PCDHA8: variants seen among roughly 807,000 people sequenced by gnomAD.
PCDHA8 encodes the protein protocadherin alpha-8.
Under a neutral mutation model 61.8 loss-of-function variants are expected in PCDHA8, and 53 were observed. That is an observed-to-expected ratio of 0.86 (90% CI 0.69 to 1.08). The LOEUF (loss-of-function observed/expected upper bound fraction) is 1.08. Among genes scored for constraint, PCDHA8 ranks in the 50% least tolerant of loss-of-function variants. PCDHA8 has a pLI of 0.00. For missense variants in PCDHA8, 1,293 were observed against 1,245.0 expected (o/e 1.04, Z -0.58); for synonymous variants, 618 against 556.6 (o/e 1.11, Z -1.55).
At chr5:140,871,432 C>T (rs782382962) in intron 1 of PCDHA8, 1 of 1,612,926 alleles carries the variant, frequency 6.2e-7, no homozygotes, top group Non-Finnish European at 8.5e-7. Flanking sequence ...CAGTCTTCCT[C>T]TAGGTCTGAA....
At chr5:140,899,403 G>A (rs1458189120) in intron 1 of PCDHA8, among the ~76,000 whole-genome samples, 6 of 152,230 alleles carry the variant, frequency 3.9e-5, no homozygotes, top group Admixed American at 1.3e-4. Context: ...AGCATGAAGG[G>A]TTGTTGAATT....
rs782762108 is a variant in PCDHA8 at position 140,876,906 on chromosome 5, G to A, written c.2394+33191G>A. 3.7e-6 allele frequency: 6 copies of A among 1,613,910 alleles called. No homozygotes were observed. In the African/African-American group the frequency reaches 8.0e-5, roughly 22 times the overall value. On this transcript the variant is annotated intron_variant, in intron 1 of 3. Transcript: ENST00000531613. Reference sequence around the variant, plus strand: ...CGGGCTGCCACATCTTCACGGTGTCGGCATGGGACGCGGACGCGCAGAAGA... The same window carrying A: ...CGGGCTGCCACATCTTCACGGTGTCAGCATGGGACGCGGACGCGCAGAAGA...
At chr5:140,870,848 G>A in intron 1 of PCDHA8, 1 of 1,613,876 alleles carries the variant, frequency 6.2e-7, no homozygotes, top group East Asian at 2.2e-5. Context: ...CTAGTACCGC[G>A]GTCGGTGGGT....
In PCDHA8 at chr5:141,010,301, A is replaced by G. The variant is rs1232797660; in HGVS notation, c.*364A>G. On this transcript the variant is annotated 3_prime_UTR_variant, in exon 4 of 4. Coordinates refer to ENST00000531613, the MANE Select transcript of PCDHA8 (RefSeq NM_018911.3). ...TTGATGACACTTGCAGGGCAGGCTG[A>G]AAAGTTTTGAGATTGAGCAGCTTGG... 1 of 1,548,942 alleles carries G rather than the reference A, an allele frequency of 6.5e-7. No individual in the cohort carries two copies. Among genetic ancestry groups the G allele is most frequent in the African/African-American group, 1.4e-5 (1 of 72,848 alleles).
Position 141,009,850 on chromosome 5 carries a change from C to CAAGAAAAAG in PCDHA8, c.2781_2789dup (p.Lys928_Lys930dup). ...TAACCTTCGGCAAAAAGGAGGAGAC[C>CAAGAAAAAG]AAGAAAAAGAAGAAAAAGAAGAAGG... On this transcript the variant is annotated inframe_insertion, in exon 4 of 4. Coordinates refer to ENST00000531613, the MANE Select transcript of PCDHA8 (RefSeq NM_018911.3). The CAAGAAAAAG allele has an allele frequency of 1.2e-6, 2 of 1,613,572 alleles. No individual in the cohort carries two copies. Among genetic ancestry groups the CAAGAAAAAG allele is most frequent in the Non-Finnish European group, 1.7e-6 (2 of 1,179,906 alleles).
chr5:140,998,497 G>A (rs1367409428), intron 3 of PCDHA8, among the ~76,000 whole-genome samples: 2 of 152,090 alleles, frequency 1.3e-5, no homozygotes, highest in East Asian at 3.8e-4. Flanking sequence ...TTTGAGAACA[G>A]GGTACTTGTC....
intron 3 of PCDHA8, among the ~76,000 whole-genome samples, chr5:141,001,404 T>A (rs965496882): frequency 1.3e-4 from 20 of 152,072 alleles, no homozygotes; most frequent in African/African-American, 4.8e-4. Context: ...GAACAGGGAG[T>A]ATATTTTTAC....
intron 1 of PCDHA8, among the ~76,000 whole-genome samples, chr5:140,922,818 C>G (rs530870255): frequency 6.6e-6 from 1 of 152,326 alleles, no homozygotes; most frequent in South Asian, 2.1e-4. Context: ...GGAGATACAG[C>G]ATACTGCTAA....
intron 1 of PCDHA8, chr5:140,867,978 C>T (rs1283630691): frequency 6.6e-6 from 1 of 152,064 alleles, no homozygotes; most frequent in East Asian, 1.9e-4. Flanking sequence ...CAACAAGAAA[C>T]AAACTATTTT....
intron 1 of PCDHA8, among the ~76,000 whole-genome samples, chr5:140,933,393 C>G (rs1419190705): frequency 2.6e-5 from 4 of 151,956 alleles, no homozygotes; most frequent in Admixed American, 1.3e-4. Context: ...CTAGAGCCAT[C>G]TGGTTACCAT....
At chr5:140,886,664 A>G (rs1404216677) in intron 1 of PCDHA8, among the ~76,000 whole-genome samples, 1 of 151,922 alleles carries the variant, frequency 6.6e-6, no homozygotes, top group East Asian at 1.9e-4. Flanking sequence ...TGTCTCTACT[A>G]AAAATACAAA....
intron 1 of PCDHA8, chr5:140,856,935 A>C: frequency 6.3e-7 from 1 of 1,594,236 alleles, no homozygotes; most frequent in South Asian, 1.1e-5. Flanking sequence ...TGGATAAACG[A>C]AAGGACGGGA....
chr5:140,876,977 A>C (rs782413550), intron 1 of PCDHA8: 12 of 1,612,554 alleles, frequency 7.4e-6, no homozygotes, highest in Non-Finnish European at 1.0e-5. Context: ...GTGGGCGAGC[A>C]CGCACTGTCG....
At chr5:140,999,244 G>A (rs1554256717) in intron 3 of PCDHA8, among the ~76,000 whole-genome samples, 1 of 152,210 alleles carries the variant, frequency 6.6e-6, no homozygotes, top group African/African-American at 2.4e-5. Flanking sequence ...GTTAAAGTGG[G>A]AGTTGGATTA....
At chr5:140,888,277 C>G (rs923275306) in intron 1 of PCDHA8, among the ~76,000 whole-genome samples, 1 of 151,972 alleles carries the variant, frequency 6.6e-6, no homozygotes, top group Non-Finnish European at 1.5e-5. Context: ...ACAGTTTTGT[C>G]CCCTCTACCC....
chr5:140,974,720 C>T (rs1554236283), intron 1 of PCDHA8, among the ~76,000 whole-genome samples: 1 of 152,070 alleles, frequency 6.6e-6, no homozygotes, highest in African/African-American at 2.4e-5. Context: ...AAGCTGCTCT[C>T]GAACTCCTGT....
intron 1 of PCDHA8, among the ~76,000 whole-genome samples, chr5:140,907,888 C>G (rs1441879791): frequency 6.6e-6 from 1 of 152,234 alleles, no homozygotes; most frequent in Non-Finnish European, 1.5e-5. Flanking sequence ...ACATGGGATA[C>G]AAATATCTTC....
chr5:140,877,493 A>C, intron 1 of PCDHA8: 1 of 1,613,856 alleles, frequency 6.2e-7, no homozygotes, highest in African/African-American at 1.3e-5. Flanking sequence ...GAGAACGGCC[A>C]GGCCCCAAAG....
At chr5:140,884,637 A>G in intron 1 of PCDHA8, 2 of 1,610,636 alleles carry the variant, frequency 1.2e-6, no homozygotes, top group Non-Finnish European at 1.7e-6. Flanking sequence ...GGCCAGAGGG[A>G]GGAGGACTCA....
Sources: gnomAD v4.1 joint callset for allele counts (sites outside exome capture counted in the v4.1 genomes callset) on GRCh38, gnomAD v4.1.1 for gene constraint, MANE v1.5 for transcripts, NCBI Gene and HGNC (gene_info 2026-07-23, HGNC 2026-07-21) for gene names.